The following NR4A1 variants were observed in gnomAD, a reference collection of about 807,000 sequenced individuals.
NR4A1 encodes the protein nuclear receptor subfamily 4 group A member 1, also known as nuclear receptor subfamily 4immunitygroup A member 1.
In NR4A1, 24 loss-of-function variants were observed where a neutral mutation model predicts 47.5. That is an observed-to-expected ratio of 0.50 (90% CI 0.37 to 0.71). The LOEUF (loss-of-function observed/expected upper bound fraction) is 0.71, where lower values mean the gene tolerates loss of function less well. Ranked by LOEUF, NR4A1 falls within the 30% of genes least tolerant of loss-of-function variation. The pLI is 0.00. For synonymous variants in NR4A1, 353 were observed against 345.7 expected (o/e 1.02, Z -0.24); for missense variants, 669 against 788.6 (o/e 0.85, Z 1.82).
At chr12:52,052,801 C>CTGGG (rs974551479) in intron 1 of NR4A1, among the ~76,000 whole-genome samples, 8 of 152,306 alleles carry the variant, frequency 5.3e-5, no homozygotes, top group Admixed American at 5.2e-4. Context: ...CCTCCTTCAC[C>CTGGG]CCCAGCCCAT....
chr12:52,050,953 G>A (rs911396091), upstream of NR4A1, among the ~76,000 whole-genome samples: 2 of 152,196 alleles, frequency 1.3e-5, no homozygotes, highest in African/African-American at 2.4e-5. Flanking sequence ...GGAGGGAGCC[G>A]GAGGGACCGG....
At chr12:52,050,308 C>A (rs550667719), upstream of NR4A1, among the ~76,000 whole-genome samples, 3 of 152,212 alleles carry the variant, frequency 2.0e-5, no homozygotes, top group Non-Finnish European at 4.4e-5. Context: ...TGGAGGTAGG[C>A]TGGGAGGGCC....
chr12:52,027,238 G>C (rs564107145), intron 1 of NR4A1, among the ~76,000 whole-genome samples: 1 of 152,226 alleles, frequency 6.6e-6, no homozygotes, highest in Admixed American at 6.5e-5. Context: ...AGGCTGTACC[G>C]GCTGGGCTGG....
chr12:52,055,505 G>C, intron 2 of NR4A1: 1 of 573,590 alleles, frequency 1.7e-6, no homozygotes, highest in South Asian at 2.3e-5. Context: ...CTGCTCCTCT[G>C]CCTGTCCTCT....
At chr12:52,038,202 C>A in intron 1 of NR4A1, 1 of 418,362 alleles carries the variant, frequency 2.4e-6, no homozygotes, top group Non-Finnish European at 3.2e-6. Context: ...GTAGCTGGGA[C>A]TACAGGCACC....
At chr12:52,048,473 A>G (rs940207934), upstream of NR4A1, among the ~76,000 whole-genome samples, 3 of 151,620 alleles carry the variant, frequency 2.0e-5, no homozygotes, top group East Asian at 2.0e-4. Context: ...AGGCACCTGT[A>G]GTCCCAGTGA....
chr12:52,041,797 T>C, intron 1 of NR4A1: 1 of 1,340,168 alleles, frequency 7.5e-7, no homozygotes, highest in Non-Finnish European at 9.6e-7. Context: ...TCACATCGAC[T>C]CTCCCTCTGT....
At chr12:52,025,965 C>A (rs998754305) in intron 1 of NR4A1, among the ~76,000 whole-genome samples, 7 of 152,374 alleles carry the variant, frequency 4.6e-5, no homozygotes, top group Middle Eastern at 3.4e-3. Flanking sequence ...GGAGGGCCCC[C>A]TGCGCTAATC....
chr12:52,038,541 G>A (rs1938324669), intron 1 of NR4A1: 2 of 596,198 alleles, frequency 3.4e-6, no homozygotes, highest in Non-Finnish European at 6.1e-6. Context: ...ATGCCCACTG[G>A]GTGCTGATGG....
intron 1 of NR4A1, among the ~76,000 whole-genome samples, chr12:52,024,233 C>G (rs546332088): frequency 1.3e-5 from 2 of 152,334 alleles, no homozygotes; most frequent in East Asian, 3.8e-4. Context: ...CTGCCCCAGC[C>G]CCACAGTGGA....
chr12:52,056,310 G>GGTGTAGGCTGCCTC, intron 3 of NR4A1, 151 bp downstream of exon 3: 1 of 1,364,576 alleles, frequency 7.3e-7, no homozygotes, highest in African/African-American at 1.5e-5. Flanking sequence ...GAGGGAGGCA[G>GGTGTAGGCTGCCTC]CCTACACCTG....
chr12:52,045,196 T>C (rs1938585452), intron 2 of NR4A1, among the ~76,000 whole-genome samples: 1 of 152,212 alleles, frequency 6.6e-6, no homozygotes, highest in Admixed American at 6.5e-5. Flanking sequence ...GGGGTTACTG[T>C]TTGTCTGTAG....
At position 52,054,606 on chromosome 12, in the gene NR4A1, C is replaced by T; in HGVS notation, c.278C>T (p.Ala93Val). Residue 93 changes from alanine (A) to valine (V), a missense_variant, in exon 2 of 7, where the codon GCC becomes GTC. Ala to Val is a moderately conservative substitution (Grantham distance 64). Coordinates refer to ENST00000394825, the MANE Select transcript of NR4A1 (RefSeq NM_173157.3). ...GCCTCCTCCACATCCTCGTCCTCAG[C>T]CACCTCCCCTGCCTCTGCCTCCTTC... is the stretch of plus-strand genomic sequence containing the variant. ...SSASSTSSSS[A>V]TSPASASFKF... The T allele has an allele frequency of 1.2e-6, 2 of 1,614,172 alleles. No individual in the cohort carries two copies. Among genetic ancestry groups the T allele is most frequent in the Non-Finnish European group, 1.7e-6 (2 of 1,180,036 alleles).
intron 1 of NR4A1, among the ~76,000 whole-genome samples, chr12:52,030,482 G>A (rs1938098323): frequency 6.6e-6 from 1 of 152,178 alleles, no homozygotes; most frequent in African/African-American, 2.4e-5. Flanking sequence ...AGGTTGGAGT[G>A]TAGTGGTGCA....
In NR4A1 at chr12:52,056,064, T is replaced by C. The variant is rs754566964; in HGVS notation, c.911T>C (p.Leu304Pro). 6.6e-7 allele frequency: 1 copy of C among 1,525,528 alleles called. No homozygotes were observed. The highest frequency in any genetic ancestry group is 1.1e-5 in the South Asian group (1 of 88,896). 94.5% of individuals were successfully genotyped at this position (1,525,528 alleles called of 1,614,324 possible). The change falls in exon 3 of 7, where the codon CTG (leucine) becomes CCG (proline). Residue 304 changes from leucine to proline, a missense_variant. Transcript: ENST00000394825. ...TVQKNAKYIC[L>P]ANKDCPVDKR... ...CAGAAAAACGCCAAGTACATCTGCC[T>C]GGCTAACAAGGACTGCCCTGTGGAC...
At chr12:52,035,339 G>A (rs1938212972) in intron 1 of NR4A1, among the ~76,000 whole-genome samples, 1 of 152,240 alleles carries the variant, frequency 6.6e-6, no homozygotes, top group South Asian at 2.1e-4. Context: ...TTTATGGAAA[G>A]GAGAGACCTC....
intron 1 of NR4A1, among the ~76,000 whole-genome samples, chr12:52,028,903 AAAAAACAAAAAC>A (rs374234566): frequency 0.012 from 1,863 of 152,300 alleles, 15 homozygotes; most frequent in Non-Finnish European, 0.015. Flanking sequence ...ACTCCATTTT[AAAAAACAAAAAC>A]AAAAACAAAA....
In NR4A1 at chr12:52,054,935, G is replaced by A. The variant is rs199672964; in HGVS notation, c.607G>A (p.Ala203Thr). Residue 203 changes from alanine to threonine, a missense_variant, in exon 2 of 7, where the codon GCC becomes ACC. Ala to Thr is a moderately conservative substitution (Grantham distance 58). Transcript: ENST00000394825. ...TCCCACCGGCCCCAGCCCCAGCCTG[G>A]CCCAGAGCCCCCTGAAGTTGTTCCC... ...SPPTGPSPSLAQSPLKLFPSQ... is the reference protein window; with the variant it reads ...SPPTGPSPSLTQSPLKLFPSQ... 3 of 1,614,142 alleles carry A rather than the reference G, an allele frequency of 1.9e-6. No individual in the cohort carries two copies. Among genetic ancestry groups the A allele is most frequent in the Non-Finnish European group, 8.5e-7 (1 of 1,180,018 alleles).
chr12:52,051,965 C>G (rs887393368), intron 1 of NR4A1, among the ~76,000 whole-genome samples: 1 of 152,230 alleles, frequency 6.6e-6, no homozygotes, highest in South Asian at 2.1e-4. Context: ...GGGATCCGTA[C>G]GATTCTAACT....
Sources: gnomAD v4.1 joint callset for allele counts (sites outside exome capture counted in the v4.1 genomes callset) on GRCh38, gnomAD v4.1.1 for gene constraint, MANE v1.5 for transcripts, NCBI Gene and HGNC (gene_info 2026-07-23, HGNC 2026-07-21) for gene names.